The following TTC32 variants were observed in gnomAD, a reference collection of about 807,000 sequenced individuals.
TTC32 encodes tetratricopeptide repeat protein 32.
A neutral mutation model predicts 15.3 loss-of-function variants in TTC32; 16 were observed. The observed-to-expected ratio is 1.05, with a 90% CI of 0.71 to 1.59. The LOEUF (loss-of-function observed/expected upper bound fraction) is 1.59. Ranked by LOEUF, TTC32 falls within the 40% of genes most tolerant of loss-of-function variation. TTC32 has a pLI of 0.00. For missense variants in TTC32, 188 were observed against 181.9 expected (o/e 1.03, Z -0.19); for synonymous variants, 89 against 67.8 (o/e 1.31, Z -1.53).
chr2:19,900,904 T>C (rs1669590575), intron 1 of TTC32: 1 of 317,762 alleles, frequency 3.1e-6, no homozygotes, highest in Non-Finnish European at 6.6e-6. Context: ...AACACGGAAA[T>C]TCAAAGGACA....
Position 19,901,731 on chromosome 2 carries a change from C to G in TTC32, c.124G>C (p.Ala42Pro). Residue 42 changes from alanine to proline, a missense_variant, in exon 1 of 3, where the codon GCC becomes CCC. By Grantham distance (27) the Ala-to-Pro change is conservative. Coordinates refer to ENST00000333610, the MANE Select transcript of TTC32 (RefSeq NM_001008237.3). ...CTCCCGGGACTCTCGTCGCTGGAGG[C>G]CGCGCAAGCGCACCGGCGAATGTAA... is the stretch of plus-strand genomic sequence containing the variant. The part of the protein sequence containing the change: ...SAYIRRCACA[A>P]SSDESPGSKC... 1 of 1,613,436 alleles carries G rather than the reference C, an allele frequency of 6.2e-7. No individual in the cohort carries two copies. The highest frequency in any genetic ancestry group is 8.5e-7 in the Non-Finnish European group (1 of 1,179,502).
intron 1 of TTC32, chr2:19,901,391 TG>T: frequency 2.8e-6 from 1 of 351,456 alleles, no homozygotes; most frequent in Non-Finnish European, 5.3e-6. Context: ...ATGAGGAACG[TG>T]GAAGGAGAGA....
intron 1 of TTC32, 183 bp downstream of exon 1, chr2:19,901,523 C>A: frequency 1.3e-6 from 1 of 754,904 alleles, no homozygotes; most frequent in Non-Finnish European, 2.0e-6. Context: ...CCGCGTTCTC[C>A]GCCGCCCTCG....
At chr2:19,897,825 G>A in intron 2 of TTC32, 44 bp downstream of exon 2, 1 of 1,391,000 alleles carries the variant, frequency 7.2e-7, no homozygotes, top group Non-Finnish European at 9.6e-7. Flanking sequence ...TGAAATAACA[G>A]AATACAGTCA....
chr2:19,900,875 A>G (rs1377040295), intron 1 of TTC32, among the ~76,000 whole-genome samples: 2 of 152,346 alleles, frequency 1.3e-5, no homozygotes, highest in Non-Finnish European at 2.9e-5. Flanking sequence ...GACAGAAGAG[A>G]TTCAGTCAGC....
intron 1 of TTC32, chr2:19,898,572 G>A (rs1669547867): frequency 6.6e-6 from 1 of 152,248 alleles, no homozygotes; most frequent in South Asian, 2.1e-4. Flanking sequence ...AGTTATCTCT[G>A]GGGACAGAGT....
At chr2:19,900,496 AAACTC>A (rs1669583432) in intron 1 of TTC32, among the ~76,000 whole-genome samples, 1 of 152,230 alleles carries the variant, frequency 6.6e-6, no homozygotes, top group Admixed American at 6.5e-5. Flanking sequence ...CCTGTCCAGA[AAACTC>A]AAATCCACAA....
At position 19,901,805 on chromosome 2, in the gene TTC32, G is replaced by A. The variant is rs748980235; in HGVS notation, c.50C>T (p.Ala17Val). Residue 17 changes from alanine to valine, a missense_variant, in exon 1 of 3, where the codon GCT becomes GTT. Physicochemically the swap from Ala to Val is moderately conservative, Grantham distance 64. Transcript: ENST00000333610. ...CGCGTACTCTCCATTGTTGAAATGA[G>A]CCTGGGCGAGTGTTAGGGTTGCGTG... ...ESHATLTLAQ[A>V]HFNNGEYAEA... The A allele has an allele frequency of 1.1e-5, 18 of 1,614,214 alleles. No homozygotes were observed. Among genetic ancestry groups the A allele is most frequent in the Middle Eastern group, 1.6e-4 (1 of 6,062 alleles).
Position 19,901,962 on chromosome 2 carries a change from C to T in TTC32, c.-108G>A, listed in dbSNP as rs1477287598. ...CCCTGGAATCTACCTTGACAGCCAA[C>T]CTTGGCGCTAGGTTTGTGCCTTATG... On this transcript the variant is annotated 5_prime_UTR_variant, in exon 1 of 3. Coordinates refer to ENST00000333610, the MANE Select transcript of TTC32 (RefSeq NM_001008237.3). 18 of 1,390,772 alleles carry T rather than the reference C, an allele frequency of 1.3e-5. No individual in the cohort carries two copies. Among genetic ancestry groups the T allele is most frequent in the Admixed American group, 2.0e-5 (1 of 50,542 alleles). 86.2% of individuals were successfully genotyped at this position (1,390,772 alleles called of 1,614,324 possible). A position where few individuals can be genotyped will look rare whatever the true frequency, so the allele number is the denominator to read the frequency against.
In TTC32 at chr2:19,896,865, A is replaced by T; in HGVS notation, c.*122T>A. 1 of 958,056 alleles carries T rather than the reference A, an allele frequency of 1.0e-6. No homozygotes were observed. Among genetic ancestry groups the T allele is most frequent in the Non-Finnish European group, 1.5e-6 (1 of 686,724 alleles). 59.3% of individuals were successfully genotyped at this position (958,056 alleles called of 1,614,324 possible). A position where few individuals can be genotyped will look rare whatever the true frequency, so the allele number is the denominator to read the frequency against. On this transcript the variant is annotated 3_prime_UTR_variant, in exon 3 of 3. Coordinates refer to ENST00000333610, the MANE Select transcript of TTC32 (RefSeq NM_001008237.3). ...ATTAACTACCTTAAACACACTATTTAACTTTCAGTGCTAATGTATTAATTT... is the reference window on the plus strand; with the variant it reads ...ATTAACTACCTTAAACACACTATTTTACTTTCAGTGCTAATGTATTAATTT...
At chr2:19,898,138 T>C in intron 1 of TTC32, 103 bp from the exon 2 acceptor site, 2 of 1,057,682 alleles carry the variant, frequency 1.9e-6, no homozygotes, top group Non-Finnish European at 2.6e-6. Flanking sequence ...GCCTATAACA[T>C]GCAGCATCAA....
chr2:19,897,154 G>C (rs1245453286), intron 2 of TTC32, 28 bp from the exon 3 acceptor site: 3 of 1,563,800 alleles, frequency 1.9e-6, no homozygotes, highest in Non-Finnish European at 2.6e-6. Flanking sequence ...AAATGGAAAA[G>C]AGAAAAGAAA....
In TTC32 at chr2:19,897,132, C is replaced by A; in HGVS notation, c.317-6G>T. 1 of 1,575,824 alleles carries A rather than the reference C, an allele frequency of 6.3e-7. No individual in the cohort carries two copies. The highest frequency in any genetic ancestry group is 8.6e-7 in the Non-Finnish European group (1 of 1,169,278). ...CAAAGCATCATCAAAATATCCTGTACCAGAACCCAAAAAATGGAAAAGAGA... is the reference window on the plus strand; with the variant it reads ...CAAAGCATCATCAAAATATCCTGTAACAGAACCCAAAAAATGGAAAAGAGA... On this transcript the variant is annotated splice_polypyrimidine_tract_variant and splice_region_variant and intron_variant, in intron 2 of 2. Transcript: ENST00000333610.
intron 1 of TTC32, among the ~76,000 whole-genome samples, chr2:19,900,218 A>C (rs1669578423): frequency 6.6e-6 from 1 of 152,232 alleles, no homozygotes; most frequent in African/African-American, 2.4e-5. Flanking sequence ...TACTTTTTAA[A>C]ATCTACTAGG....
At chr2:19,900,310 G>A (rs1669580515) in intron 1 of TTC32, among the ~76,000 whole-genome samples, 1 of 152,152 alleles carries the variant, frequency 6.6e-6, no homozygotes, top group African/African-American at 2.4e-5. Flanking sequence ...GGTGCACTGA[G>A]GAAAGTAGAT....
chr2:19,897,141 A>T lies in TTC32; in HGVS notation c.317-15T>A. 1 of 1,572,504 alleles carries T rather than the reference A, an allele frequency of 6.4e-7. No homozygotes were observed. The highest frequency in any genetic ancestry group is 8.6e-7 in the Non-Finnish European group (1 of 1,167,792). On this transcript the variant is annotated splice_polypyrimidine_tract_variant and intron_variant, in intron 2 of 2. Transcript: ENST00000333610. The stretch of plus-strand genomic sequence containing the variant: ...ATCAAAATATCCTGTACCAGAACCC[A>T]AAAAATGGAAAAGAGAAAAGAAACC...
At chr2:19,901,499 G>T in intron 1 of TTC32, 1 of 615,968 alleles carries the variant, frequency 1.6e-6, no homozygotes, top group Non-Finnish European at 2.7e-6. Flanking sequence ...GGCTCCTCAC[G>T]GGTGGGCTTC....
chr2:19,901,560 G>C (rs1572292831), intron 1 of TTC32, 146 bp downstream of exon 1: 3 of 1,174,674 alleles, frequency 2.6e-6, no homozygotes, highest in East Asian at 2.5e-5. Context: ...GGCCTTTCTA[G>C]AAAGACGAAC....
intron 1 of TTC32, among the ~76,000 whole-genome samples, chr2:19,899,373 T>C (rs1230983133): frequency 6.6e-6 from 1 of 152,206 alleles, no homozygotes; most frequent in Non-Finnish European, 1.5e-5. Flanking sequence ...CAGTAAGGTT[T>C]TAGTCATTAA....
Sources: allele counts gnomAD v4.1 joint callset (sites outside exome capture counted in the v4.1 genomes callset), GRCh38; gene constraint gnomAD v4.1.1; transcripts MANE v1.5; gene names NCBI Gene and HGNC (gene_info 2026-07-23, HGNC 2026-07-21).